The following PLA2G7 variants were observed in gnomAD, a reference collection of about 807,000 sequenced individuals.
PLA2G7 encodes the protein phospholipase A2 group VII, also known as platelet-activating factor acetylhydrolase.
Under a neutral mutation model 49.6 loss-of-function variants are expected in PLA2G7, and 63 were observed. The ratio of observed to expected loss-of-function variants is 1.27; its 90% CI spans 1.04 to 1.57. PLA2G7 has a LOEUF of 1.57. Among genes scored for constraint, PLA2G7 ranks in the 40% most tolerant of loss-of-function variants. The pLI, the probability that PLA2G7 is intolerant of heterozygous loss-of-function variation, is 0.00. For synonymous variants in PLA2G7, 193 were observed against 169.9 expected (o/e 1.14, Z -1.06); for missense variants, 596 against 521.2 (o/e 1.14, Z -1.40).
In PLA2G7 at chr6:46,704,519, G is replaced by A; in HGVS notation, c.*41C>T. ...ACACACACACACACACATAATTTTA[G>A]ACAGTTTTGAAACAAGACTTTTAAA... On this transcript the variant is annotated 3_prime_UTR_variant, in exon 12 of 12. Coordinates refer to ENST00000274793, the MANE Select transcript of PLA2G7 (RefSeq NM_005084.4). 1 of 1,105,504 alleles carries A rather than the reference G, an allele frequency of 9.0e-7. No homozygotes were observed. The highest frequency in any genetic ancestry group is 1.2e-5 in the South Asian group (1 of 80,652). The allele number at this position is 1,105,504 out of a possible 1,614,324, so 68.5% of individuals were successfully genotyped here. A position where few individuals can be genotyped will look rare whatever the true frequency, so the allele number is the denominator to read the frequency against.
At chr6:46,705,387 T>A (rs1274380601) in intron 10 of PLA2G7, 86 bp from the exon 11 acceptor site, 1 of 1,080,042 alleles carries the variant, frequency 9.3e-7, no homozygotes, top group African/African-American at 1.6e-5. Flanking sequence ...GTACTGGTCT[T>A]GTTGGTCTGT....
In PLA2G7 at chr6:46,727,443, T is replaced by C. The variant is rs1030733817; in HGVS notation, c.-34-4518A>G. 1.4e-4 allele frequency among the ~76,000 whole-genome samples: 21 copies of C among 152,108 alleles called. 1 individual carries two copies. ...ATTAGTAAAGAGTCAGAAAAGAAAATGCTCATTTGTTAAGTATCAGTACTC... is the reference window on the plus strand; with the variant it reads ...ATTAGTAAAGAGTCAGAAAAGAAAACGCTCATTTGTTAAGTATCAGTACTC... On this transcript the variant is annotated intron_variant, in intron 1 of 11. Coordinates refer to ENST00000274793, the MANE Select transcript of PLA2G7 (RefSeq NM_005084.4).
chr6:46,730,340 T>C (rs1765698989), intron 1 of PLA2G7, among the ~76,000 whole-genome samples: 1 of 152,242 alleles, frequency 6.6e-6, no homozygotes, highest in Non-Finnish European at 1.5e-5. Context: ...ATTAGCATTA[T>C]CTTCTTTATC....
intron 1 of PLA2G7, among the ~76,000 whole-genome samples, chr6:46,723,183 T>G (rs961810081): frequency 3.3e-4 from 50 of 152,306 alleles, no homozygotes; most frequent in African/African-American, 1.0e-3. Flanking sequence ...AAGTTTTTGG[T>G]CACTAGTTTT....
At chr6:46,731,053 A>T (rs911528040) in intron 1 of PLA2G7, among the ~76,000 whole-genome samples, 1 of 152,188 alleles carries the variant, frequency 6.6e-6, no homozygotes, top group Non-Finnish European at 1.5e-5. Flanking sequence ...GCTGCCCACA[A>T]TACAAATGAG....
chr6:46,705,180 A>C lies in PLA2G7; in HGVS notation c.1162T>G (p.Ser388Ala), dbSNP rs201840347. 3 of 1,609,136 alleles carry C rather than the reference A, an allele frequency of 1.9e-6. No individual in the cohort carries two copies. Among genetic ancestry groups the C allele is most frequent in the South Asian group, 2.2e-5 (2 of 90,988 alleles). Residue 388 changes from serine to alanine, a missense_variant, in exon 11 of 12, where the codon TCA becomes GCA. Physicochemically the swap from Ser to Ala is moderately conservative, Grantham distance 99. Transcript: ENST00000274793. The part of the protein sequence containing the change: ...NVAIDLSNKA[S>A]LAFLQKHLGL... ...AAATGCTTTTGTAAGAATGCTAATG[A>C]AGCTTTGTTGCTAAGATCAATAGCT...
chr6:46,727,145 C>A (rs766323859), intron 1 of PLA2G7, among the ~76,000 whole-genome samples: 3 of 152,136 alleles, frequency 2.0e-5, no homozygotes, highest in Non-Finnish European at 2.9e-5. Flanking sequence ...TCATTTCTCC[C>A]ACTGAAACCA....
chr6:46,728,098 G>T (rs749785760), intron 1 of PLA2G7, among the ~76,000 whole-genome samples: 9 of 152,152 alleles, frequency 5.9e-5, no homozygotes, highest in Non-Finnish European at 1.3e-4. Context: ...TAAAGTCAAA[G>T]AAAGTGGCTT....
chr6:46,706,928 A>G (rs982661146), intron 10 of PLA2G7, among the ~76,000 whole-genome samples: 1 of 152,166 alleles, frequency 6.6e-6, no homozygotes, highest in Non-Finnish European at 1.5e-5. Context: ...TTTCTGTTGG[A>G]AGAGACCCCT....
At position 46,720,569 on chromosome 6, in the gene PLA2G7, C is replaced by T. The variant is rs565611888; in HGVS notation, c.109+2214G>A. Among the ~76,000 whole-genome samples, 34 of 152,246 alleles carry T rather than the reference C, an allele frequency of 2.2e-4. No individual in the cohort carries two copies. In the South Asian group the frequency reaches 2.7e-3, roughly 12 times the overall value. Reference sequence around the variant, plus strand: ...CAGGCTCCATAGCCTACAGCTGACCCGGTTATGGGCCTGGATTTCCCATTC... The same window carrying T: ...CAGGCTCCATAGCCTACAGCTGACCTGGTTATGGGCCTGGATTTCCCATTC... On this transcript the variant is annotated intron_variant, in intron 2 of 11. Transcript: ENST00000274793.
intron 1 of PLA2G7, among the ~76,000 whole-genome samples, chr6:46,728,099 A>C (rs1313370759): frequency 6.6e-6 from 1 of 152,242 alleles, no homozygotes; most frequent in Non-Finnish European, 1.5e-5. Flanking sequence ...AAAGTCAAAG[A>C]AAGTGGCTTA....
chr6:46,726,260 TAAAGCACTC>T (rs1180454220), intron 1 of PLA2G7, among the ~76,000 whole-genome samples: 1 of 152,198 alleles, frequency 6.6e-6, no homozygotes, highest in African/African-American at 2.4e-5. Flanking sequence ...TTCTGGGGTC[TAAAGCACTC>T]CAATATTATA....
At position 46,706,345 on chromosome 6, in the gene PLA2G7, T is replaced by C. The variant is rs45547238; in HGVS notation, c.1041-1044A>G. Among the ~76,000 whole-genome samples the C allele has an allele frequency of 3.7e-3, 559 of 152,190 alleles. 2 individuals are homozygous for C. The highest frequency in any genetic ancestry group is 0.013 in the African/African-American group (527 of 41,520). Reference sequence around the variant, plus strand: ...GTAGGAAACTTGAATGTCAGAAACATAAAGAAGATAAACAGCAGGAATACA... The same window carrying C: ...GTAGGAAACTTGAATGTCAGAAACACAAAGAAGATAAACAGCAGGAATACA... On this transcript the variant is annotated intron_variant, in intron 10 of 11. Coordinates refer to ENST00000274793, the MANE Select transcript of PLA2G7 (RefSeq NM_005084.4).
chr6:46,725,519 C>T (rs139206092), intron 1 of PLA2G7, among the ~76,000 whole-genome samples: 2 of 152,194 alleles, frequency 1.3e-5, no homozygotes, highest in East Asian at 1.9e-4. Context: ...CATCAGCCGC[C>T]GTGTCCAGCC....
At chr6:46,734,463 AGAGAGAGAGAGAGAGAG>A (rs1765845453) in intron 1 of PLA2G7, among the ~76,000 whole-genome samples, 2 of 128,956 alleles carry the variant, frequency 1.6e-5, no homozygotes, top group Admixed American at 1.5e-4. Context: ...AGAGAGAGAG[AGAGAGAGAGAGAGAGAG>A]AGAGAGAGAG....
intron 1 of PLA2G7, among the ~76,000 whole-genome samples, chr6:46,731,244 G>A (rs569817288): frequency 3.3e-5 from 5 of 152,292 alleles, no homozygotes; most frequent in Admixed American, 3.3e-4. Context: ...AAAACTTAGT[G>A]ATAAACGAGA....
intron 10 of PLA2G7, 94 bp downstream of exon 10, chr6:46,707,897 C>T: frequency 1.3e-6 from 1 of 753,592 alleles, no homozygotes; most frequent in East Asian, 2.7e-5. Context: ...ACAACCAATT[C>T]AGCAATTCTT....
Position 46,716,413 on chromosome 6 carries a change from A to T in PLA2G7, c.347T>A (p.Leu116His), listed in dbSNP as rs1053442004. 1.2e-6 allele frequency: 2 copies of T among 1,614,024 alleles called. No homozygotes were observed. Among genetic ancestry groups the T allele is most frequent in the Non-Finnish European group, 1.7e-6 (2 of 1,180,020 alleles). ...GAGTAACCTCAAAATGTTGCCCATA[A>T]GCCAGTGTGTTCCAAGAAATTTGCT... ...GLSKFLGTHW[L>H]MGNILRLLFG... Residue 116 changes from leucine to histidine, a missense_variant, in exon 4 of 12, where the codon CTT becomes CAT. By Grantham distance (99) the Leu-to-His change is moderately conservative. Coordinates refer to ENST00000274793, the MANE Select transcript of PLA2G7 (RefSeq NM_005084.4).
chr6:46,734,451 A>ACG (rs1224984698), intron 1 of PLA2G7, among the ~76,000 whole-genome samples: 5 of 97,598 alleles, frequency 5.1e-5, no homozygotes, highest in African/African-American at 2.3e-4. Context: ...AGAGAGAGAG[A>ACG]GAGAGAGAGA....
Sources: allele counts gnomAD v4.1 joint callset (sites outside exome capture counted in the v4.1 genomes callset), GRCh38; gene constraint gnomAD v4.1.1; transcripts MANE v1.5; gene names NCBI Gene and HGNC (gene_info 2026-07-23, HGNC 2026-07-21).